The following CHMP4C variants were observed in gnomAD, a reference collection of about 807,000 sequenced individuals.
CHMP4C encodes the protein charged multivesicular body protein 4C.
A neutral mutation model predicts 29.0 loss-of-function variants in CHMP4C; 28 were observed. That is an observed-to-expected ratio of 0.97 (90% confidence interval 0.72 to 1.32). The LOEUF (loss-of-function observed/expected upper bound fraction) is 1.32, where lower values mean the gene tolerates loss of function less well. Ranked by LOEUF, CHMP4C falls within the 40% of genes most tolerant of loss-of-function variation. The pLI is 0.00. For missense variants in CHMP4C, 291 were observed against 281.0 expected (o/e 1.04, Z -0.25); for synonymous variants, 106 against 102.4 (o/e 1.04, Z -0.21).
intron 1 of CHMP4C, among the ~76,000 whole-genome samples, chr8:81,735,154 A>G (rs1274413857): frequency 2.0e-5 from 3 of 152,164 alleles, no homozygotes; most frequent in Non-Finnish European, 2.9e-5. Flanking sequence ...TGAGTCTCCC[A>G]AAGTGCTGGG....
intron 1 of CHMP4C, among the ~76,000 whole-genome samples, chr8:81,746,233 G>T (rs918271581): frequency 1.4e-4 from 21 of 152,174 alleles, no homozygotes; most frequent in Non-Finnish European, 1.8e-4. Context: ...GAAGTTACTG[G>T]TTTCATTCAC....
Position 81,758,506 on chromosome 8 carries a change from G to A in CHMP4C, c.664G>A (p.Asp222Asn), listed in dbSNP as rs1286901173. 10 of 1,613,162 alleles carry A rather than the reference G, an allele frequency of 6.2e-6. No homozygotes were observed. In the African/African-American group the frequency reaches 1.1e-4, roughly 17 times the overall value. Residue 222 changes from aspartate to asparagine, a missense_variant, in exon 5 of 5, where the codon GAT (aspartate) becomes AAT (asparagine). Coordinates refer to ENST00000297265, the MANE Select transcript of CHMP4C (RefSeq NM_152284.4). ...AASSQRAEEE[D>N]DDIKQLAAWA... ...ATCTTCCCAGAGGGCAGAAGAAGAG[G>A]ATGATGATATCAAACAATTGGCAGC...
At chr8:81,738,130 A>G (rs1808717729) in intron 1 of CHMP4C, among the ~76,000 whole-genome samples, 1 of 152,054 alleles carries the variant, frequency 6.6e-6, no homozygotes, top group Non-Finnish European at 1.5e-5. Context: ...TTTCCCCCTC[A>G]TCCTAGTCCT....
At chr8:81,733,925 G>A (rs73694763) in intron 1 of CHMP4C, among the ~76,000 whole-genome samples, 15 of 152,158 alleles carry the variant, frequency 9.9e-5, no homozygotes, top group African/African-American at 3.4e-4. Context: ...TTTAATGCAG[G>A]AAAGGAATGA....
At chr8:81,750,288 T>C (rs920574912) in intron 1 of CHMP4C, among the ~76,000 whole-genome samples, 16 of 152,030 alleles carry the variant, frequency 1.1e-4, no homozygotes, top group Non-Finnish European at 2.1e-4. Flanking sequence ...CAAGGAATTC[T>C]CCCAGAACAT....
intron 1 of CHMP4C, among the ~76,000 whole-genome samples, chr8:81,751,835 G>T (rs1808908266): frequency 6.6e-6 from 1 of 152,004 alleles, no homozygotes; most frequent in African/African-American, 2.4e-5. Context: ...CGAAATATAG[G>T]TGTCTTTAAT....
rs146415665 is a variant in CHMP4C at position 81,749,385 on chromosome 8, C to T, written c.191-3679C>T. 1.5e-3 allele frequency among the ~76,000 whole-genome samples: 227 copies of T among 152,256 alleles called. 1 individual carries two copies. Among genetic ancestry groups the T allele is most frequent in the African/African-American group, 5.2e-3 (217 of 41,554 alleles). ...CCAATTGAACATATGGCAAATGCTC[C>T]ATAAATGTTAGTTTTTGTTATGTAT... is the stretch of plus-strand genomic sequence containing the variant. On this transcript the variant is annotated intron_variant, in intron 1 of 4. Coordinates refer to ENST00000297265, the MANE Select transcript of CHMP4C (RefSeq NM_152284.4).
intron 1 of CHMP4C, among the ~76,000 whole-genome samples, chr8:81,735,881 G>A (rs986518365): frequency 6.6e-6 from 1 of 152,068 alleles, no homozygotes; most frequent in African/African-American, 2.4e-5. Flanking sequence ...GAGGTCAGGA[G>A]TTTGAGACCA....
chr8:81,758,392 C>T, intron 4 of CHMP4C, 88 bp from the exon 5 acceptor site: 1 of 1,554,998 alleles, frequency 6.4e-7, no homozygotes, highest in Non-Finnish European at 8.8e-7. Flanking sequence ...TCAAACTGAA[C>T]ACATTTTTAT....
chr8:81,755,656 T>C (rs1808963266), intron 3 of CHMP4C, among the ~76,000 whole-genome samples, 172 bp downstream of exon 3: 1 of 152,208 alleles, frequency 6.6e-6, no homozygotes, highest in Non-Finnish European at 1.5e-5. Context: ...AAAGGAAAGA[T>C]GAATACAGTT....
At chr8:81,751,532 A>G (rs1345838547) in intron 1 of CHMP4C, among the ~76,000 whole-genome samples, 2 of 152,132 alleles carry the variant, frequency 1.3e-5, no homozygotes, top group Non-Finnish European at 2.9e-5. Context: ...TTGTTTAATT[A>G]TATGTGTCTT....
intron 1 of CHMP4C, among the ~76,000 whole-genome samples, chr8:81,740,950 A>G (rs1489214998): frequency 3.3e-5 from 5 of 152,224 alleles, no homozygotes; most frequent in African/African-American, 4.8e-5. Context: ...TCCAGCAACC[A>G]AAAGAAAAGA....
intron 1 of CHMP4C, among the ~76,000 whole-genome samples, chr8:81,742,990 A>G (rs1303133134): frequency 6.6e-6 from 1 of 152,124 alleles, no homozygotes; most frequent in Non-Finnish European, 1.5e-5. Context: ...ATCTATTCTT[A>G]AAGAATTTCA....
chr8:81,744,279 T>C (rs930580819), intron 1 of CHMP4C, among the ~76,000 whole-genome samples: 7 of 152,224 alleles, frequency 4.6e-5, no homozygotes, highest in Non-Finnish European at 7.3e-5. Flanking sequence ...CAATTTCTAA[T>C]ATATCTCAGA....
Position 81,758,731 on chromosome 8 carries a change from C to T in CHMP4C, c.*187C>T. 1 of 572,856 alleles carries T rather than the reference C, an allele frequency of 1.7e-6. No homozygotes were observed. Among genetic ancestry groups the T allele is most frequent in the East Asian group, 2.9e-5 (1 of 34,286 alleles). The allele number at this position is 572,856 out of a possible 1,614,324, so 35.5% of individuals were successfully genotyped here. Reference sequence around the variant, plus strand: ...CATACATAGAATCAGTGATGGAGGCCAGGCACGGTATCTCATGCCTATAAT... The same window carrying T: ...CATACATAGAATCAGTGATGGAGGCTAGGCACGGTATCTCATGCCTATAAT... On this transcript the variant is annotated 3_prime_UTR_variant, in exon 5 of 5. Transcript: ENST00000297265.
chr8:81,755,721 A>T (rs567626275), intron 3 of CHMP4C, among the ~76,000 whole-genome samples: 2 of 152,212 alleles, frequency 1.3e-5, no homozygotes, highest in Admixed American at 6.6e-5. Context: ...ACAGCATGTG[A>T]TTGTGTAAAG....
chr8:81,758,799 G>A lies in CHMP4C; in HGVS notation c.*255G>A, dbSNP rs1411426741. On this transcript the variant is annotated 3_prime_UTR_variant, in exon 5 of 5. Coordinates refer to ENST00000297265, the MANE Select transcript of CHMP4C (RefSeq NM_152284.4). Reference sequence around the variant, plus strand: ...CTGAGGCAGTTGAGACCAGGAGTTCGAGTCCAGCCTGACCAACATGAAGAA... The same window carrying A: ...CTGAGGCAGTTGAGACCAGGAGTTCAAGTCCAGCCTGACCAACATGAAGAA... 1.6e-5 allele frequency: 6 copies of A among 386,606 alleles called. No individual in the cohort carries two copies. The highest frequency in any genetic ancestry group is 7.4e-4 in the Middle Eastern group (1 of 1,354). 23.9% of individuals were successfully genotyped at this position (386,606 alleles called of 1,614,324 possible).
chr8:81,742,207 C>T (rs906139303), intron 1 of CHMP4C, among the ~76,000 whole-genome samples: 1 of 152,170 alleles, frequency 6.6e-6, no homozygotes, highest in Non-Finnish European at 1.5e-5. Context: ...TCACTCTGCA[C>T]AACCTCCAAC....
At chr8:81,743,426 G>A (rs1808787502) in intron 1 of CHMP4C, among the ~76,000 whole-genome samples, 5 of 151,942 alleles carry the variant, frequency 3.3e-5, no homozygotes, top group Admixed American at 2.0e-4. Flanking sequence ...AATTTGTGGG[G>A]TTATTAATAA....
Sources: gnomAD v4.1 joint callset for allele counts (sites outside exome capture counted in the v4.1 genomes callset) on GRCh38, gnomAD v4.1.1 for gene constraint, MANE v1.5 for transcripts, NCBI Gene and HGNC (gene_info 2026-07-23, HGNC 2026-07-21) for gene names.